The following DCDC1 variants were observed in gnomAD, a reference collection of about 807,000 sequenced individuals.
The protein encoded by DCDC1 is doublecortin domain-containing protein 1.
DCDC1 carries 200 observed loss-of-function variants against 178.3 expected under a neutral mutation model. The observed-to-expected ratio is 1.12, with a 90% CI of 1.00 to 1.26. DCDC1 has a LOEUF of 1.26. Ranked by LOEUF, DCDC1 falls within the 50% of genes most tolerant of loss-of-function variation. The pLI is 0.00. For synonymous variants in DCDC1, 690 were observed against 604.8 expected, an observed-to-expected ratio of 1.14 and a Z score of -2.07; for missense variants, 1,983 against 1,749.2, an observed-to-expected ratio of 1.13 and a Z score of -2.38.
At chr11:31,168,118 G>A (rs1966854844) in intron 9 of DCDC1, among the ~76,000 whole-genome samples, 1 of 152,096 alleles carries the variant, frequency 6.6e-6, no homozygotes, top group Non-Finnish European at 1.5e-5. Flanking sequence ...ATGCTTTGAT[G>A]ACAACCATCA....
intron 21 of DCDC1, among the ~76,000 whole-genome samples, chr11:30,935,366 T>A (rs1387311297): frequency 6.6e-6 from 1 of 152,164 alleles, no homozygotes; most frequent in Non-Finnish European, 1.5e-5. Context: ...TCCCACAAGG[T>A]AAAACCTGGC....
intron 9 of DCDC1, among the ~76,000 whole-genome samples, chr11:31,160,685 T>C (rs1196497098): frequency 6.6e-6 from 1 of 152,202 alleles, no homozygotes; most frequent in Non-Finnish European, 1.5e-5. Context: ...GCTACTTGTA[T>C]ATCCAGGGTT....
chr11:31,048,637 A>G (rs1186681762), intron 20 of DCDC1, among the ~76,000 whole-genome samples: 1 of 151,898 alleles, frequency 6.6e-6, no homozygotes, highest in African/African-American at 2.4e-5. Context: ...GTAGATCACG[A>G]GGTCAGGAGA....
chr11:31,363,349 T>C (rs763851512), intron 1 of DCDC1, among the ~76,000 whole-genome samples: 6 of 152,116 alleles, frequency 3.9e-5, no homozygotes, highest in Admixed American at 6.6e-5. Flanking sequence ...TAATCTTATT[T>C]TAAAACAAGA....
intron 9 of DCDC1, among the ~76,000 whole-genome samples, chr11:31,187,537 A>C (rs1368293296): frequency 6.6e-6 from 1 of 152,248 alleles, no homozygotes; most frequent in East Asian, 1.9e-4. Flanking sequence ...AACATCATAA[A>C]AATGATTCTT....
chr11:30,944,021 G>T (rs1233014863), intron 21 of DCDC1: 1 of 257,976 alleles, frequency 3.9e-6, no homozygotes, highest in African/African-American at 2.2e-5. Flanking sequence ...CTCACTCAGG[G>T]TGTTGTTTGT....
intron 17 of DCDC1, 76 bp downstream of exon 17, chr11:31,091,317 G>A (rs1565270855): frequency 4.8e-6 from 3 of 630,826 alleles, no homozygotes; most frequent in Admixed American, 2.4e-5. Context: ...CAAACCAGGA[G>A]GCATCACAAT....
intron 20 of DCDC1, among the ~76,000 whole-genome samples, chr11:30,982,176 G>A (rs1299520178): frequency 1.3e-5 from 2 of 152,082 alleles, no homozygotes; most frequent in East Asian, 1.9e-4. Flanking sequence ...CACTTGTCCC[G>A]CAAATTAGTA....
At chr11:31,347,974 A>G (rs1012530835) in intron 1 of DCDC1, among the ~76,000 whole-genome samples, 19 of 152,174 alleles carry the variant, frequency 1.2e-4, no homozygotes, top group African/African-American at 4.3e-4. Flanking sequence ...TTTCCTTTCT[A>G]TCAAATAAAT....
chr11:31,068,483 G>A (rs1956376341), intron 18 of DCDC1, among the ~76,000 whole-genome samples: 1 of 152,088 alleles, frequency 6.6e-6, no homozygotes, highest in African/African-American at 2.4e-5. Context: ...GCATAGATGT[G>A]GATGTCAGTA....
At chr11:31,016,204 G>C (rs1460178266) in intron 20 of DCDC1, among the ~76,000 whole-genome samples, 1 of 152,144 alleles carries the variant, frequency 6.6e-6, no homozygotes, top group African/African-American at 2.4e-5. Flanking sequence ...GAGATAATGT[G>C]TGCATGGCAC....
chr11:31,354,143 G>A (rs1224995436), intron 1 of DCDC1, among the ~76,000 whole-genome samples: 12 of 152,058 alleles, frequency 7.9e-5, no homozygotes, highest in Admixed American at 1.3e-4. Flanking sequence ...AAAATTAGCC[G>A]GGTGTGGTGG....
intron 20 of DCDC1, among the ~76,000 whole-genome samples, chr11:31,007,701 T>C (rs1951931877): frequency 6.6e-6 from 1 of 152,024 alleles, no homozygotes; most frequent in South Asian, 2.1e-4. Flanking sequence ...TCTCACTGTG[T>C]CTCCCAGGCT....
intron 20 of DCDC1, among the ~76,000 whole-genome samples, chr11:30,979,319 A>C (rs1255751445): frequency 6.6e-6 from 1 of 152,170 alleles, no homozygotes; most frequent in African/African-American, 2.4e-5. Flanking sequence ...AGGAACACCT[A>C]TCTCTCAAGG....
chr11:31,261,993 G>A (rs1008361623), intron 8 of DCDC1, among the ~76,000 whole-genome samples: 1 of 151,682 alleles, frequency 6.6e-6, no homozygotes, highest in Non-Finnish European at 1.5e-5. Flanking sequence ...AAGCCAGGCT[G>A]GTGGATCATG....
intron 12 of DCDC1, among the ~76,000 whole-genome samples, chr11:31,107,902 G>A (rs912105514): frequency 6.6e-6 from 1 of 152,074 alleles, no homozygotes; most frequent in African/African-American, 2.4e-5. Flanking sequence ...ATCCCTGCAG[G>A]GATGTAGATA....
intron 9 of DCDC1, among the ~76,000 whole-genome samples, chr11:31,200,686 T>C (rs1971194660): frequency 6.6e-6 from 1 of 152,042 alleles, no homozygotes. Context: ...TTTGTTTAGA[T>C]AGGCTGCCTT....
intron 34 of DCDC1, 87 bp downstream of exon 34, chr11:30,899,454 G>T: frequency 1.4e-6 from 1 of 708,980 alleles, no homozygotes; most frequent in Non-Finnish European, 2.1e-6. Flanking sequence ...TTAAACACTT[G>T]GTATCTAATG....
chr11:31,199,074 T>C (rs1020108047), intron 9 of DCDC1, among the ~76,000 whole-genome samples: 3 of 152,020 alleles, frequency 2.0e-5, no homozygotes, highest in African/African-American at 7.2e-5. Flanking sequence ...CAAAATATGA[T>C]AGCAAATTTC....
Sources: allele counts gnomAD v4.1 joint callset (sites outside exome capture counted in the v4.1 genomes callset), GRCh38; gene constraint gnomAD v4.1.1; transcripts MANE v1.5; gene names NCBI Gene and HGNC (gene_info 2026-07-23, HGNC 2026-07-21).